The following RNGTT variants were observed in gnomAD, a reference collection of about 807,000 sequenced individuals.
RNGTT encodes RNA guanylyltransferase and 5'-phosphatase, also known as mRNA-capping enzyme.
RNGTT carries 33 observed loss-of-function variants against 79.3 expected under a neutral mutation model. The ratio of observed to expected loss-of-function variants is 0.42; its 90% confidence interval spans 0.32 to 0.56. The LOEUF (loss-of-function observed/expected upper bound fraction) is 0.56. RNGTT is among the 20% of genes least tolerant of loss of function. RNGTT has a pLI of 0.17. For missense variants in RNGTT, 497 were observed against 739.1 expected (o/e 0.67, Z 3.80); for synonymous variants, 222 against 235.9 (o/e 0.94, Z 0.54).
chr6:88,904,303 T>C (rs558531106), intron 6 of RNGTT, among the ~76,000 whole-genome samples: 1 of 152,290 alleles, frequency 6.6e-6, no homozygotes, highest in African/African-American at 2.4e-5. Context: ...CCAAGCACAG[T>C]GGCTAATGCC....
chr6:88,827,147 C>T (rs2127885158), intron 11 of RNGTT, among the ~76,000 whole-genome samples: 1 of 151,982 alleles, frequency 6.6e-6, no homozygotes, highest in East Asian at 1.9e-4. Context: ...CCAGCGAGAT[C>T]AATGCAGAAG....
chr6:88,938,691 G>A (rs1784748735), intron 2 of RNGTT, among the ~76,000 whole-genome samples: 1 of 152,050 alleles, frequency 6.6e-6, no homozygotes, highest in Non-Finnish European at 1.5e-5. Flanking sequence ...CATTGTTGAT[G>A]TGTTTGCTCT....
intron 4 of RNGTT, among the ~76,000 whole-genome samples, chr6:88,916,797 T>A (rs1006942014): frequency 2.6e-5 from 4 of 152,246 alleles, no homozygotes; most frequent in Non-Finnish European, 5.9e-5. Context: ...CAACTCCATC[T>A]TGGATGCTAA....
intron 8 of RNGTT, among the ~76,000 whole-genome samples, chr6:88,873,475 A>G (rs1782419974): frequency 1.3e-5 from 2 of 152,198 alleles, no homozygotes; most frequent in African/African-American, 4.8e-5. Context: ...AACAAAAAGA[A>G]AGGAAGAAAA....
At chr6:88,761,953 G>A (rs1366362663) in intron 13 of RNGTT, among the ~76,000 whole-genome samples, 3 of 151,186 alleles carry the variant, frequency 2.0e-5, no homozygotes, top group African/African-American at 7.3e-5. Context: ...CTAGTGGTAC[G>A]GATGTTCTTT....
intron 14 of RNGTT, among the ~76,000 whole-genome samples, chr6:88,637,115 G>T (rs374622796): frequency 6.6e-6 from 1 of 151,854 alleles, no homozygotes; most frequent in African/African-American, 2.4e-5. Context: ...AGACATGGGG[G>T]GTCTCAACTT....
At position 88,920,895 on chromosome 6, in the gene RNGTT, T is replaced by C. The variant is rs574895546; in HGVS notation, c.367+8090A>G. On this transcript the variant is annotated intron_variant, in intron 4 of 15. Coordinates refer to ENST00000369485, the MANE Select transcript of RNGTT (RefSeq NM_003800.5). ...CCTAGTGATATATATATATTTTGTTTTATATTCCCGGCAGTGATTCTGTTC... is the reference window on the plus strand; with the variant it reads ...CCTAGTGATATATATATATTTTGTTCTATATTCCCGGCAGTGATTCTGTTC... Among the ~76,000 whole-genome samples the C allele has an allele frequency of 2.6e-5, 4 of 152,338 alleles. No homozygotes were observed. The South Asian group carries it at 8.3e-4, about 32-fold the overall frequency.
chr6:88,756,883 G>A lies in RNGTT; in HGVS notation c.1439+12891C>T, dbSNP rs547139586. Among the ~76,000 whole-genome samples, 13 of 152,308 alleles carry A rather than the reference G, an allele frequency of 8.5e-5. No homozygotes were observed. The South Asian group carries it at 1.4e-3, about 17-fold the overall frequency. On this transcript the variant is annotated intron_variant, in intron 13 of 15. Coordinates refer to ENST00000369485, the MANE Select transcript of RNGTT (RefSeq NM_003800.5). ...TGAAGGTCAAGGAAAACGCTGGATG[G>A]ACAGGTTGGGAGAGTGAAGGTTATT... is the stretch of plus-strand genomic sequence containing the variant.
At chr6:88,885,066 A>T (rs1347550327) in intron 8 of RNGTT, among the ~76,000 whole-genome samples, 5 of 152,162 alleles carry the variant, frequency 3.3e-5, no homozygotes, top group Non-Finnish European at 1.5e-5. Context: ...ATGCATACAC[A>T]TACATACAGA....
intron 13 of RNGTT, among the ~76,000 whole-genome samples, chr6:88,687,256 A>T (rs541736780): frequency 6.6e-6 from 1 of 152,272 alleles, no homozygotes; most frequent in South Asian, 2.1e-4. Flanking sequence ...CACTTACCAG[A>T]TTGGCAAAAT....
At chr6:88,775,780 T>G (rs922597251) in intron 12 of RNGTT, among the ~76,000 whole-genome samples, 1 of 152,214 alleles carries the variant, frequency 6.6e-6, no homozygotes, top group African/African-American at 2.4e-5. Flanking sequence ...CACATGTAAG[T>G]GAAATCACAC....
intron 14 of RNGTT, among the ~76,000 whole-genome samples, chr6:88,646,658 C>T (rs918467590): frequency 6.6e-6 from 1 of 152,274 alleles, no homozygotes. Flanking sequence ...GAATACTATG[C>T]AGCCATAAAA....
chr6:88,791,090 G>T (rs1297727211), intron 12 of RNGTT, among the ~76,000 whole-genome samples: 2 of 151,678 alleles, frequency 1.3e-5, no homozygotes, highest in African/African-American at 2.4e-5. Flanking sequence ...CAAGGGCAGG[G>T]GAGATTATTC....
chr6:88,920,153 C>CA (rs1423118368), intron 4 of RNGTT, among the ~76,000 whole-genome samples: 2 of 151,666 alleles, frequency 1.3e-5, no homozygotes, highest in Admixed American at 1.3e-4. Flanking sequence ...ACAATAAAGG[C>CA]AAAAAAAATT....
At chr6:88,705,595 T>G (rs953614830) in intron 13 of RNGTT, among the ~76,000 whole-genome samples, 1 of 152,096 alleles carries the variant, frequency 6.6e-6, no homozygotes, top group South Asian at 2.1e-4. Context: ...CTAAAATTCT[T>G]CCTTAATTTA....
chr6:88,726,839 A>G (rs1236583594), intron 13 of RNGTT, among the ~76,000 whole-genome samples: 1 of 152,224 alleles, frequency 6.6e-6, no homozygotes, highest in Non-Finnish European at 1.5e-5. Context: ...TTGAAATCCC[A>G]AACTTACAAG....
intron 13 of RNGTT, among the ~76,000 whole-genome samples, chr6:88,753,846 G>C (rs1777920259): frequency 6.6e-6 from 1 of 152,000 alleles, no homozygotes; most frequent in Admixed American, 6.6e-5. Flanking sequence ...TCTTACTAGG[G>C]ACAGGGTTTC....
intron 8 of RNGTT, among the ~76,000 whole-genome samples, chr6:88,858,692 C>T (rs192102703): frequency 2.3e-3 from 347 of 152,266 alleles, no homozygotes; most frequent in Non-Finnish European, 3.4e-3. Flanking sequence ...GCTGACACAA[C>T]GGCAACGCTG....
intron 13 of RNGTT, among the ~76,000 whole-genome samples, chr6:88,694,645 G>A (rs1275758608): frequency 6.6e-6 from 1 of 152,030 alleles, no homozygotes; most frequent in Non-Finnish European, 1.5e-5. Context: ...AGGCAATTTT[G>A]AGCAAAAAGA....
Sources: gnomAD v4.1 joint callset for allele counts (sites outside exome capture counted in the v4.1 genomes callset) on GRCh38, gnomAD v4.1.1 for gene constraint, MANE v1.5 for transcripts, NCBI Gene and HGNC (gene_info 2026-07-23, HGNC 2026-07-21) for gene names.